MDGA2: variants seen among roughly 807,000 people sequenced by gnomAD.
The protein encoded by MDGA2 is MAM domain-containing glycosylphosphatidylinositol anchor protein 2.
MDGA2 carries 40 observed loss-of-function variants against 117.8 expected under a neutral mutation model. That is an observed-to-expected ratio of 0.34 (90% CI 0.26 to 0.44). MDGA2 has a LOEUF of 0.44. Among genes scored for constraint, MDGA2 ranks in the 20% least tolerant of loss-of-function variants. The pLI is 1.00. For synonymous variants in MDGA2, 452 were observed against 439.0 expected (o/e 1.03, Z -0.37); for missense variants, 1,123 against 1,250.6 (o/e 0.90, Z 1.54).
intron 3 of MDGA2, among the ~76,000 whole-genome samples, chr14:47,165,607 C>T (rs995583070): frequency 6.6e-6 from 1 of 152,100 alleles, no homozygotes; most frequent in African/African-American, 2.4e-5. Context: ...TCTCGAAGGA[C>T]CCTCAATTGC....
chr14:47,242,875 T>C (rs980086108), intron 2 of MDGA2, among the ~76,000 whole-genome samples: 7 of 151,812 alleles, frequency 4.6e-5, no homozygotes, highest in Non-Finnish European at 8.8e-5. Flanking sequence ...AGCCCCGGTG[T>C]GGGATCCACT....
chr14:47,500,733 A>C (rs1894382261), intron 1 of MDGA2, among the ~76,000 whole-genome samples: 1 of 152,134 alleles, frequency 6.6e-6, no homozygotes, highest in Admixed American at 6.6e-5. Context: ...TATATTCACA[A>C]GGAGACTAAC....
At chr14:47,112,363 G>A (rs1007991437) in intron 5 of MDGA2, among the ~76,000 whole-genome samples, 3 of 152,070 alleles carry the variant, frequency 2.0e-5, no homozygotes, top group African/African-American at 4.8e-5. Context: ...ATTAAGCCTG[G>A]CATTCATTAG....
In MDGA2 at chr14:47,379,458, G is replaced by A. The variant is rs185565996; in HGVS notation, c.281-77908C>T. The stretch of plus-strand genomic sequence containing the variant: ...AAAGAGTGAAGACCCATCAGTGTGC[G>A]GTATTTAGGAGACCCATCTCACGTG... On this transcript the variant is annotated intron_variant, in intron 1 of 16. Coordinates refer to ENST00000399232, the MANE Select transcript of MDGA2 (RefSeq NM_001113498.3). 4.6e-3 allele frequency among the ~76,000 whole-genome samples: 703 copies of A among 152,172 alleles called. 7 individuals are homozygous for A. Among genetic ancestry groups the A allele is most frequent in the South Asian group, 7.7e-3 (37 of 4,812 alleles).
At chr14:47,412,155 G>A (rs557307087) in intron 1 of MDGA2, among the ~76,000 whole-genome samples, 1 of 152,102 alleles carries the variant, frequency 6.6e-6, no homozygotes, top group Non-Finnish European at 1.5e-5. Flanking sequence ...CGATCTTCAT[G>A]GGAAAGGAGA....
In MDGA2 at chr14:46,959,249, ATATGTG is replaced by A. The variant is rs1353997681; in HGVS notation, c.1820-1612_1820-1607del. On this transcript the variant is annotated intron_variant, in intron 8 of 16. Transcript: ENST00000399232. ...TCTCTTTTATCTCCAGCAATGCTAT[ATATGTG>A]TGTGTGTGTGTGTGTGTGTGTGTGT... Among the ~76,000 whole-genome samples the A allele has an allele frequency of 7.5e-4, 49 of 65,186 alleles. No homozygotes were observed. In the Middle Eastern group the frequency reaches 0.029, roughly 39 times the overall value. 42.8% of individuals were successfully genotyped at this position (65,186 alleles called of 152,430 possible).
At chr14:47,412,477 T>A (rs898458369) in intron 1 of MDGA2, among the ~76,000 whole-genome samples, 1 of 152,106 alleles carries the variant, frequency 6.6e-6, no homozygotes, top group African/African-American at 2.4e-5. Context: ...AGATGAAGTC[T>A]CACTATTTTG....
At chr14:47,109,988 AAC>A (rs1240641546) in intron 5 of MDGA2, among the ~76,000 whole-genome samples, 1 of 152,116 alleles carries the variant, frequency 6.6e-6, no homozygotes, top group East Asian at 1.9e-4. Context: ...AAAACCTACA[AAC>A]ACTGTGAAAT....
chr14:47,384,701 C>T (rs936393461), intron 1 of MDGA2, among the ~76,000 whole-genome samples: 1 of 152,142 alleles, frequency 6.6e-6, no homozygotes, highest in African/African-American at 2.4e-5. Context: ...TTCCATACAG[C>T]TCCCAGTGGC....
At chr14:47,142,410 T>C (rs1448874996) in intron 4 of MDGA2, among the ~76,000 whole-genome samples, 1 of 151,900 alleles carries the variant, frequency 6.6e-6, no homozygotes, top group Non-Finnish European at 1.5e-5. Context: ...GCCACTGCAC[T>C]CCAGCCCAGG....
intron 14 of MDGA2, among the ~76,000 whole-genome samples, chr14:46,859,939 C>A (rs1416451805): frequency 6.6e-6 from 1 of 151,822 alleles, no homozygotes; most frequent in Non-Finnish European, 1.5e-5. Flanking sequence ...CAGAGGGTAG[C>A]CTTCTTAACA....
chr14:47,014,297 G>A lies in MDGA2; in HGVS notation c.1819+20714C>T, dbSNP rs544504285. ...TTAGCATGATTCTTAAAGGCCCTTG[G>A]ATTTTTGAAATGGCAAATGAGCATT... On this transcript the variant is annotated intron_variant, in intron 8 of 16. Coordinates refer to ENST00000399232, the MANE Select transcript of MDGA2 (RefSeq NM_001113498.3). Among the ~76,000 whole-genome samples the A allele has an allele frequency of 3.3e-5, 5 of 152,206 alleles. No homozygotes were observed. In the South Asian group the frequency reaches 1.0e-3, roughly 32 times the overall value.
At chr14:47,419,709 T>C (rs12590179) in intron 1 of MDGA2, among the ~76,000 whole-genome samples, 29,265 of 151,930 alleles carry the variant, frequency 0.19, 3,463 homozygotes, top group East Asian at 0.54. Flanking sequence ...TATCTCTGAA[T>C]ATATACAATA....
At chr14:46,972,170 C>A (rs1034731487) in intron 8 of MDGA2, among the ~76,000 whole-genome samples, 2 of 151,982 alleles carry the variant, frequency 1.3e-5, no homozygotes, top group Non-Finnish European at 2.9e-5. Context: ...AGTCCTTTAA[C>A]TTGTAGGATG....
intron 1 of MDGA2, among the ~76,000 whole-genome samples, chr14:47,655,215 ACAG>A (rs1345111380): frequency 1.8e-4 from 28 of 152,150 alleles, no homozygotes; most frequent in Admixed American, 1.8e-3. Flanking sequence ...TATCTTTGCT[ACAG>A]CAGATTAATC....
intron 1 of MDGA2, among the ~76,000 whole-genome samples, chr14:47,568,584 A>C (rs1895960692): frequency 6.6e-6 from 1 of 152,198 alleles, no homozygotes; most frequent in African/African-American, 2.4e-5. Flanking sequence ...AATTTCATAG[A>C]TATTGCCCCA....
At chr14:47,335,475 G>A (rs1341788197) in intron 1 of MDGA2, among the ~76,000 whole-genome samples, 3 of 151,116 alleles carry the variant, frequency 2.0e-5, no homozygotes, top group African/African-American at 7.3e-5. Flanking sequence ...ATCCTGAGAG[G>A]GAGGGATCCT....
At chr14:47,394,229 G>T (rs529824586) in intron 1 of MDGA2, among the ~76,000 whole-genome samples, 1 of 152,120 alleles carries the variant, frequency 6.6e-6, no homozygotes, top group Non-Finnish European at 1.5e-5. Context: ...ATCCACAAAA[G>T]AATAATATTT....
intron 7 of MDGA2, among the ~76,000 whole-genome samples, chr14:47,057,284 AG>A (rs1226395335): frequency 1.3e-5 from 2 of 152,094 alleles, no homozygotes; most frequent in Non-Finnish European, 2.9e-5. Flanking sequence ...TTTCTACAGA[AG>A]TCCGATCAAG....
Sources: gnomAD v4.1 joint callset for allele counts (sites outside exome capture counted in the v4.1 genomes callset) on GRCh38, gnomAD v4.1.1 for gene constraint, MANE v1.5 for transcripts, NCBI Gene and HGNC (gene_info 2026-07-23, HGNC 2026-07-21) for gene names.